PRRC2B: variants seen among roughly 807,000 people sequenced by gnomAD.
PRRC2B encodes the protein proline rich coiled-coil 2B.
A neutral mutation model predicts 242.3 loss-of-function variants in PRRC2B; 68 were observed. The ratio of observed to expected loss-of-function variants is 0.28; its 90% confidence interval spans 0.23 to 0.34. The LOEUF (loss-of-function observed/expected upper bound fraction) is 0.34. PRRC2B is among the 10% of genes least tolerant of loss of function. The pLI is 1.00. For missense variants in PRRC2B, 2,835 were observed against 2,954.8 expected (o/e 0.96, Z 0.94); for synonymous variants, 1,228 against 1,173.6 (o/e 1.05, Z -0.95).
At chr9:131,452,267 C>T (rs1343215639) in intron 9 of PRRC2B, among the ~76,000 whole-genome samples, 1 of 152,194 alleles carries the variant, frequency 6.6e-6, no homozygotes, top group Non-Finnish European at 1.5e-5. Flanking sequence ...CCTCCTGCCT[C>T]ACCTTCTGAG....
At chr9:131,383,395 T>C (rs1836786430) in intron 1 of PRRC2B, among the ~76,000 whole-genome samples, 1 of 151,928 alleles carries the variant, frequency 6.6e-6, no homozygotes, top group Admixed American at 6.6e-5. Context: ...CTGGATCAGA[T>C]CATATTACAA....
chr9:131,410,769 A>G (rs535463268), intron 1 of PRRC2B, among the ~76,000 whole-genome samples: 67 of 151,844 alleles, frequency 4.4e-4, no homozygotes, highest in African/African-American at 1.6e-3. Context: ...AGGAGCTCCT[A>G]TTCTTAAATG....
intron 1 of PRRC2B, among the ~76,000 whole-genome samples, chr9:131,388,956 T>C (rs1367769053): frequency 6.8e-6 from 1 of 147,690 alleles, no homozygotes; most frequent in Non-Finnish European, 1.5e-5. Context: ...TTCTCCTGCC[T>C]CGTCCTTCCA....
intron 1 of PRRC2B, among the ~76,000 whole-genome samples, chr9:131,421,645 T>C (rs1016650471): frequency 1.3e-5 from 2 of 152,208 alleles, no homozygotes; most frequent in African/African-American, 2.4e-5. Context: ...TGTGTCCCCC[T>C]GAGGTCGGGC....
At chr9:131,383,850 T>G (rs1350005777) in intron 1 of PRRC2B, among the ~76,000 whole-genome samples, 1 of 151,924 alleles carries the variant, frequency 6.6e-6, no homozygotes, top group African/African-American at 2.4e-5. Flanking sequence ...CTGGATCTCT[T>G]GACCTCGTAA....
rs1190117478 is a variant in PRRC2B, at chr9:131,432,212, G to A, written c.116-405G>A. Reference sequence around the variant, plus strand: ...ATGAATGTCGAAGGGCTCCTGTTCAGTCTTGTTTTGGATCTAGGCAGAGGC... The same window carrying A: ...ATGAATGTCGAAGGGCTCCTGTTCAATCTTGTTTTGGATCTAGGCAGAGGC... On this transcript the variant is annotated intron_variant, in intron 2 of 31. Transcript: ENST00000683519. 4.6e-5 allele frequency among the ~76,000 whole-genome samples: 7 copies of A among 152,176 alleles called. No homozygotes were observed. In the East Asian group the frequency reaches 1.2e-3, roughly 25 times the overall value.
In PRRC2B at chr9:131,420,576, C is replaced by T. The variant is rs1464285497; in HGVS notation, c.-51-9518C>T. 7.6e-5 allele frequency among the ~76,000 whole-genome samples: 11 copies of T among 144,940 alleles called. No individual in the cohort carries two copies. The East Asian group carries it at 2.3e-3, about 31-fold the overall frequency. Reference sequence around the variant, plus strand: ...GCATGATCTCGGCTCACTGCAACCTCCACCTCTTGGGTTCAAGTGAGTCCT... The same window carrying T: ...GCATGATCTCGGCTCACTGCAACCTTCACCTCTTGGGTTCAAGTGAGTCCT... On this transcript the variant is annotated intron_variant, in intron 1 of 31. Coordinates refer to ENST00000683519, the MANE Select transcript of PRRC2B (RefSeq NM_013318.4).
chr9:131,404,442 G>A (rs1284556928), intron 1 of PRRC2B, among the ~76,000 whole-genome samples: 2 of 151,774 alleles, frequency 1.3e-5, no homozygotes, highest in African/African-American at 2.4e-5. Context: ...GGCTGGTCTC[G>A]AACTCTTGAC....
At chr9:131,459,476 TG>T in intron 11 of PRRC2B, 120 bp downstream of exon 11, 1 of 929,518 alleles carries the variant, frequency 1.1e-6, no homozygotes, top group Non-Finnish European at 1.6e-6. Flanking sequence ...TTTGTTAAAA[TG>T]TTTTTTCATA....
rs959734895 is a variant in PRRC2B at position 131,483,217 on chromosome 9, A to T, written c.5374-142A>T. 24 of 813,342 alleles carry T rather than the reference A, an allele frequency of 3.0e-5. No individual in the cohort carries two copies. The African/African-American group carries it at 3.8e-4, about 13-fold the overall frequency. 50.4% of individuals were successfully genotyped at this position (813,342 alleles called of 1,614,324 possible). ...CCTGTGCCGTGGGGAAAATCTGGCCATCTCGCTCATATGTGGCTCCAGTGA... is the reference window on the plus strand; with the variant it reads ...CCTGTGCCGTGGGGAAAATCTGGCCTTCTCGCTCATATGTGGCTCCAGTGA... On this transcript the variant is annotated intron_variant, in intron 22 of 31. Coordinates refer to ENST00000683519, the MANE Select transcript of PRRC2B (RefSeq NM_013318.4).
In PRRC2B at chr9:131,458,234, A is replaced by C. The variant is rs1943139499; in HGVS notation, c.1212-930A>C. On this transcript the variant is annotated intron_variant, in intron 10 of 31. Coordinates refer to ENST00000683519, the MANE Select transcript of PRRC2B (RefSeq NM_013318.4). ...TTTATTGAGCAACTGGCTTGTGCAGAGCATAGGGAGGGAGATGTACCAAAA... is the reference window on the plus strand; with the variant it reads ...TTTATTGAGCAACTGGCTTGTGCAGCGCATAGGGAGGGAGATGTACCAAAA... 3.3e-5 allele frequency among the ~76,000 whole-genome samples: 5 copies of C among 152,180 alleles called. No individual in the cohort carries two copies. The South Asian group carries it at 1.0e-3, about 32-fold the overall frequency.
chr9:131,478,642 G>GGGGGCC, intron 18 of PRRC2B, 23 bp downstream of exon 18: 13 of 481,988 alleles, frequency 2.7e-5, no homozygotes, highest in East Asian at 5.2e-5. Flanking sequence ...GGGTGGGGGG[G>GGGGGCC]CATGGGGCTG....
In PRRC2B at chr9:131,446,741, G is replaced by A; in HGVS notation, c.855+99G>A. 1 of 1,376,070 alleles carries A rather than the reference G, an allele frequency of 7.3e-7. No homozygotes were observed. The highest frequency in any genetic ancestry group is 1.0e-6 in the Non-Finnish European group (1 of 1,000,288). 85.2% of individuals were successfully genotyped at this position (1,376,070 alleles called of 1,614,324 possible). A position where few individuals can be genotyped will look rare whatever the true frequency, so the allele number is the denominator to read the frequency against. ...ATGTCCCCCTTGGGGTCTCCTCTTG[G>A]CCCTGTTACCCTACTTCTGAGGCTT... On this transcript the variant is annotated intron_variant, in intron 7 of 31. Transcript: ENST00000683519. This position sits in a 1 kb window ranked among gnomAD's most constrained non-coding sequence, Gnocchi z 4.1.
intron 1 of PRRC2B, among the ~76,000 whole-genome samples, chr9:131,410,049 G>A (rs976629949): frequency 8.5e-5 from 13 of 152,184 alleles, no homozygotes; most frequent in African/African-American, 3.1e-4. Context: ...ACGCCAGAGA[G>A]GGAGGCCTTT....
At chr9:131,422,120 T>C (rs879782275) in intron 1 of PRRC2B, among the ~76,000 whole-genome samples, 1 of 152,168 alleles carries the variant, frequency 6.6e-6, no homozygotes, top group Non-Finnish European at 1.5e-5. Context: ...AGTGGCATGA[T>C]CTTGGCTCAC....
intron 1 of PRRC2B, among the ~76,000 whole-genome samples, chr9:131,420,474 TTTCTTTCTTTCTTTCTTTC>T (rs1331306271): frequency 8.2e-4 from 10 of 12,190 alleles, no homozygotes; most frequent in African/African-American, 1.6e-3. Context: ...TCTTTCTTTC[TTTCTTTCTTTCTTTCTTTC>T]TTTTTTTTTT....
At chr9:131,397,836 AT>A (rs1400102188) in intron 1 of PRRC2B, among the ~76,000 whole-genome samples, 6 of 152,162 alleles carry the variant, frequency 3.9e-5, no homozygotes, top group African/African-American at 1.4e-4. Context: ...AAAACAATGG[AT>A]TTCTCCCCAA....
rs747204091 is a variant in PRRC2B, at chr9:131,476,006, A to C, written c.3877A>C (p.Asn1293His). 1.0e-5 allele frequency: 16 copies of C among 1,606,788 alleles called. No individual in the cohort carries two copies. The East Asian group carries it at 3.1e-4, about 31-fold the overall frequency. ...FQDEHVADSE[N>H]AENRPFRRRR... is the part of the protein sequence containing the mutation. Reference sequence around the variant, plus strand: ...AGATGAACACGTGGCAGATTCTGAAAATGCAGAGAACCGGCCCTTCAGGAG... The same window carrying C: ...AGATGAACACGTGGCAGATTCTGAACATGCAGAGAACCGGCCCTTCAGGAG... Residue 1293 changes from asparagine to histidine, a missense_variant, in exon 16 of 32, where the codon AAT becomes CAT. By Grantham distance (68) the Asn-to-His change is moderately conservative. Around this residue, in one of 7 missense-constraint regions of PRRC2B, gnomAD observed 1,536 missense variants for 1,483.1 expected, o/e 1.04. Coordinates refer to ENST00000683519, the MANE Select transcript of PRRC2B (RefSeq NM_013318.4).
intron 30 of PRRC2B, among the ~76,000 whole-genome samples, chr9:131,492,480 A>G (rs1472640108): frequency 6.6e-6 from 1 of 152,138 alleles, no homozygotes; most frequent in Non-Finnish European, 1.5e-5. Context: ...TTTAATCATT[A>G]TAATAAGATG....
Sources: allele counts gnomAD v4.1 joint callset (sites outside exome capture counted in the v4.1 genomes callset), GRCh38; gene constraint gnomAD v4.1.1; regional missense constraint gnomAD v4.1.1; non-coding constraint Gnocchi (gnomAD v3.1); transcripts MANE v1.5; gene names NCBI Gene and HGNC (gene_info 2026-07-23, HGNC 2026-07-21).